The following SASH1 variants were observed in gnomAD, a reference collection of about 807,000 sequenced individuals.
SASH1 encodes SAM and SH3 domain-containing protein 1.
Under a neutral mutation model 125.2 loss-of-function variants are expected in SASH1, and 44 were observed. That is an observed-to-expected ratio of 0.35 (90% confidence interval 0.28 to 0.45). SASH1 has a LOEUF of 0.45. Ranked by LOEUF, SASH1 falls within the 20% of genes least tolerant of loss-of-function variation. The probability of loss-of-function intolerance (pLI) is 1.00; values close to 1 mark genes in which losing one functional copy is unlikely to be tolerated. For missense variants in SASH1, 1,426 were observed against 1,614.5 expected (o/e 0.88, Z 2.00); for synonymous variants, 639 against 649.1 (o/e 0.98, Z 0.24).
the SASH1 span, among the ~76,000 whole-genome samples, chr6:148,222,575 G>A: frequency 6.6e-6 from 1 of 152,122 alleles, no homozygotes; most frequent in African/African-American, 2.4e-5. Context: ...TTTGCAACTT[G>A]TTTGTCAAGT....
Position 148,548,456 on chromosome 6 carries a change from C to T in SASH1, c.3642C>T (p.His1214=). The change falls in exon 20 of 20, where the codon CAC becomes CAT. Residue 1214 remains histidine (H), a synonymous_variant. Transcript: ENST00000367467. ...TGAGCCAAGTGCCTTCTCTGTCTCA[C>T]ACTTGCCTTCAGGAGGCCGGCATCA... ...STLSQVPSLS[H]TCLQEAGITE... 1 of 1,614,226 alleles carries T rather than the reference C, an allele frequency of 6.2e-7. No homozygotes were observed. The highest frequency in any genetic ancestry group is 1.6e-4 in the Middle Eastern group (1 of 6,062).
upstream of SASH1, among the ~76,000 whole-genome samples, chr6:148,268,706 T>C (rs941032981): frequency 1.3e-5 from 2 of 152,244 alleles, no homozygotes; most frequent in African/African-American, 4.8e-5. Context: ...TTCTATTTCT[T>C]GCACTGTTTT....
chr6:148,258,886 GAAC>G, the SASH1 span, among the ~76,000 whole-genome samples: 1 of 152,324 alleles, frequency 6.6e-6, no homozygotes, highest in South Asian at 2.1e-4. Context: ...TGACATTTCA[GAAC>G]AACAGGCTCA....
chr6:148,544,256 C>G lies in SASH1; in HGVS notation c.2786C>G (p.Pro929Arg), dbSNP rs755534071. Residue 929 changes from proline to arginine, a missense_variant, in exon 18 of 20, where the codon CCC becomes CGC. By Grantham distance (103) the Pro-to-Arg change is moderately radical. Coordinates refer to ENST00000367467, the MANE Select transcript of SASH1 (RefSeq NM_015278.5). The surrounding 1 kb of genome is among the most constrained non-coding windows in gnomAD (Gnocchi z 6.4). ...GRGLSPPQCL[P>R]RNYDAQPPGA... ...GGCCTGTCACCCCCTCAGTGTTTGC[C>G]CAGAAACTATGATGCTCAGCCTCCT... is the stretch of plus-strand genomic sequence containing the variant. The G allele has an allele frequency of 5.6e-6, 9 of 1,614,104 alleles. No homozygotes were observed. In the Admixed American group the frequency reaches 1.5e-4, roughly 27 times the overall value.
At chr6:148,273,000 C>G (rs1779100520) in intron 1 of SASH1, among the ~76,000 whole-genome samples, 1 of 152,028 alleles carries the variant, frequency 6.6e-6, no homozygotes, top group Non-Finnish European at 1.5e-5. Flanking sequence ...GGGCTCATGC[C>G]TATAATCCCA....
chr6:148,434,237 A>C (rs1234457314), intron 2 of SASH1, among the ~76,000 whole-genome samples: 1 of 151,632 alleles, frequency 6.6e-6, no homozygotes, highest in Non-Finnish European at 1.5e-5. Context: ...CCACCACGCC[A>C]GGCTAATTTT....
intron 17 of SASH1, among the ~76,000 whole-genome samples, chr6:148,542,167 A>T (rs1348771314): frequency 6.6e-6 from 1 of 152,212 alleles, no homozygotes; most frequent in Non-Finnish European, 1.5e-5. Context: ...AGCGAACCAT[A>T]CTTTGAACTC....
At position 148,549,080 on chromosome 6, in the gene SASH1, A is replaced by AAG. The variant is rs1036562281; in HGVS notation, c.*523_*524insGA. On this transcript the variant is annotated 3_prime_UTR_variant, in exon 20 of 20. Transcript: ENST00000367467. ...GCTGCACCAGGAAAAAAAAAAAAAAAAAGTCCTGTTCTTCTTTAGATAAAC... is the reference window on the plus strand; with the variant it reads ...GCTGCACCAGGAAAAAAAAAAAAAAAAGAAGTCCTGTTCTTCTTTAGATAAAC... 6.4e-6 allele frequency: 1 copy of AAG among 155,204 alleles called. No individual in the cohort carries two copies. The highest frequency in any genetic ancestry group is 2.4e-5 in the African/African-American group (1 of 41,520). 9.6% of individuals were successfully genotyped at this position (155,204 alleles called of 1,614,324 possible). A position where few individuals can be genotyped will look rare whatever the true frequency, so the allele number is the denominator to read the frequency against.
Position 148,532,406 on chromosome 6 carries a change from C to A in SASH1, c.1565-391C>A, listed in dbSNP as rs911052325. 6.6e-6 allele frequency among the ~76,000 whole-genome samples: 1 copy of A among 152,232 alleles called. No homozygotes were observed. Among genetic ancestry groups the A allele is most frequent in the East Asian group, 1.9e-4 (1 of 5,200 alleles). The stretch of plus-strand genomic sequence containing the variant: ...CTACCACTTTAAGCTCTTTCTTACC[C>A]TTTTGGGCAAATGACATGACTGCTC... On this transcript the variant is annotated intron_variant, in intron 13 of 19. Transcript: ENST00000367467. This position sits in a 1 kb window ranked among gnomAD's most constrained non-coding sequence, Gnocchi z 4.7.
chr6:148,241,233 C>T, the SASH1 span, among the ~76,000 whole-genome samples: 1 of 152,120 alleles, frequency 6.6e-6, no homozygotes, highest in Non-Finnish European at 1.5e-5. Flanking sequence ...TTGGAAGAGG[C>T]TGGAAATAGG....
intron 8 of SASH1, among the ~76,000 whole-genome samples, chr6:148,505,860 A>T (rs879774775): frequency 1.4e-5 from 2 of 146,594 alleles, no homozygotes; most frequent in Non-Finnish European, 3.0e-5. Flanking sequence ...CTGGTCTCGA[A>T]CTCCTGACCT....
chr6:148,440,229 A>G lies in SASH1; in HGVS notation c.331A>G (p.Ile111Val). The stretch of plus-strand genomic sequence containing the variant: ...CACGTCACTTCAGCTGCGGTCCCAG[A>G]TCGAAGTAAGCACAATGACTTTAAT... ...SPTSLQLRSQ[I>V]EESLGFCSAV... is the part of the protein sequence containing the mutation. Residue 111 changes from isoleucine to valine, a missense_variant, in exon 3 of 20, where the codon ATC (isoleucine) becomes GTC (valine). Ile to Val is a conservative substitution (Grantham distance 29, BLOSUM62 3). Transcript: ENST00000367467. 1.2e-6 allele frequency: 2 copies of G among 1,613,490 alleles called. No homozygotes were observed. Among genetic ancestry groups the G allele is most frequent in the Non-Finnish European group, 1.7e-6 (2 of 1,179,942 alleles).
intron 16 of SASH1, among the ~76,000 whole-genome samples, chr6:148,537,100 C>A (rs1214217243): frequency 6.6e-6 from 1 of 152,196 alleles, no homozygotes; most frequent in Non-Finnish European, 1.5e-5. Flanking sequence ...GTGCCTCTAA[C>A]TGATAACATG....
upstream of SASH1, among the ~76,000 whole-genome samples, chr6:148,339,967 G>A (rs1212232179): frequency 6.6e-6 from 1 of 152,186 alleles, no homozygotes; most frequent in Non-Finnish European, 1.5e-5. Flanking sequence ...GCCTCATCTT[G>A]GATGGGGAAA....
rs1198641633 is a variant in SASH1 at position 148,533,843 on chromosome 6, G to A, written c.1807G>A (p.Gly603Ser). ...GATGGGCCTGCTGAACAACAAAGTC[G>A]GCACGTTCAAGTTCATCTACGTGGA... ...TWMGLLNNKV[G>S]TFKFIYVDVL... The change falls in exon 15 of 20, where the codon GGC becomes AGC. Residue 603 changes from glycine (G) to serine (S), a missense_variant. Physicochemically the swap from Gly to Ser is moderately conservative, Grantham distance 56. Around this residue, in one of 3 missense-constraint regions of SASH1, gnomAD observed 225 missense variants for 344.5 expected, o/e 0.65. Coordinates refer to ENST00000367467, the MANE Select transcript of SASH1 (RefSeq NM_015278.5). The surrounding 1 kb of genome is among the most constrained non-coding windows in gnomAD (Gnocchi z 6.2). The A allele has an allele frequency of 2.5e-6, 4 of 1,613,864 alleles. No individual in the cohort carries two copies. The highest frequency in any genetic ancestry group is 1.3e-5 in the African/African-American group (1 of 74,904).
intron 1 of SASH1, among the ~76,000 whole-genome samples, chr6:148,289,137 G>A (rs552243357): frequency 1.3e-5 from 2 of 151,950 alleles, no homozygotes; most frequent in South Asian, 2.1e-4. Context: ...CTTTTTTACT[G>A]TGTAAAACGA....
the SASH1 span, among the ~76,000 whole-genome samples, chr6:148,224,658 G>A: frequency 6.6e-6 from 1 of 152,082 alleles, no homozygotes; most frequent in African/African-American, 2.4e-5. Context: ...ACTGCACCCG[G>A]CCTCCATTAT....
chr6:148,288,113 G>C (rs1405564847), intron 1 of SASH1, among the ~76,000 whole-genome samples: 2 of 152,228 alleles, frequency 1.3e-5, no homozygotes, highest in African/African-American at 4.8e-5. Flanking sequence ...ATGGCTGTCG[G>C]CTTTTGCAAG....
intron 2 of SASH1, among the ~76,000 whole-genome samples, chr6:148,423,922 A>G (rs1419116151): frequency 6.6e-6 from 1 of 152,038 alleles, no homozygotes; most frequent in African/African-American, 2.4e-5. Flanking sequence ...AAATTATACC[A>G]CAATAACTTA....
Sources: allele counts gnomAD v4.1 joint callset (sites outside exome capture counted in the v4.1 genomes callset), GRCh38; gene constraint gnomAD v4.1.1; regional missense constraint gnomAD v4.1.1; non-coding constraint Gnocchi (gnomAD v3.1); transcripts MANE v1.5; gene names NCBI Gene and HGNC (gene_info 2026-07-23, HGNC 2026-07-21).